The following FOXP1 variants were observed in gnomAD, a reference collection of about 807,000 sequenced individuals.
FOXP1 encodes the protein forkhead box P1.
FOXP1 carries 15 observed loss-of-function variants against 98.2 expected under a neutral mutation model. The ratio of observed to expected loss-of-function variants is 0.15; its 90% confidence interval spans 0.10 to 0.24. The LOEUF (loss-of-function observed/expected upper bound fraction) is 0.24. Ranked by LOEUF, FOXP1 falls within the 10% of genes least tolerant of loss-of-function variation. The pLI, the probability that FOXP1 is intolerant of heterozygous loss-of-function variation, is 1.00. For missense variants in FOXP1, 633 were observed against 848.5 expected, an observed-to-expected ratio of 0.75 and a Z score of 3.15; for synonymous variants, 371 against 314.5, an observed-to-expected ratio of 1.18 and a Z score of -1.90.
intron 9 of FOXP1, among the ~76,000 whole-genome samples, chr3:71,049,986 C>T (rs374554566): frequency 1.3e-5 from 2 of 152,182 alleles, no homozygotes; most frequent in Admixed American, 6.5e-5. Flanking sequence ...AACCTATCTC[C>T]TGGGTCACCT....
intron 3 of FOXP1, among the ~76,000 whole-genome samples, chr3:71,476,447 G>A (rs1000551535): frequency 1.3e-5 from 2 of 151,920 alleles, no homozygotes; most frequent in Non-Finnish European, 2.9e-5. Flanking sequence ...GGATGGAGAG[G>A]TGGTGTGCAG....
At chr3:71,361,369 A>G (rs1680632803) in intron 3 of FOXP1, among the ~76,000 whole-genome samples, 2 of 152,190 alleles carry the variant, frequency 1.3e-5, no homozygotes, top group South Asian at 4.1e-4. Flanking sequence ...ACTCTTAACA[A>G]AAAACTATGA....
chr3:71,399,522 G>A (rs1156597408), intron 3 of FOXP1, among the ~76,000 whole-genome samples: 2 of 152,120 alleles, frequency 1.3e-5, no homozygotes, highest in African/African-American at 2.4e-5. Flanking sequence ...TTTCACTAAA[G>A]TCGATAAAAA....
intron 12 of FOXP1, among the ~76,000 whole-genome samples, chr3:71,008,938 C>T (rs1304125136): frequency 6.6e-6 from 1 of 151,958 alleles, no homozygotes; most frequent in Non-Finnish European, 1.5e-5. Flanking sequence ...TCTCTGTTAA[C>T]AGTGGCACAG....
chr3:71,181,428 T>C (rs1007657023), intron 6 of FOXP1, among the ~76,000 whole-genome samples: 9 of 152,238 alleles, frequency 5.9e-5, no homozygotes, highest in African/African-American at 1.9e-4. Flanking sequence ...TTATCTCTAT[T>C]GCCCTGTTTT....
intron 11 of FOXP1, among the ~76,000 whole-genome samples, chr3:71,025,378 T>C (rs998553323): frequency 6.6e-6 from 1 of 152,196 alleles, no homozygotes; most frequent in African/African-American, 2.4e-5. Context: ...CCAGAGCTGC[T>C]GGGCCATGGA....
At chr3:71,064,141 A>G (rs1019341892) in intron 7 of FOXP1, among the ~76,000 whole-genome samples, 3 of 152,190 alleles carry the variant, frequency 2.0e-5, no homozygotes, top group African/African-American at 7.2e-5. Context: ...CCAACCTGCC[A>G]GAGTGTTCCA....
At chr3:71,015,113 C>T (rs769695625) in intron 12 of FOXP1, among the ~76,000 whole-genome samples, 26 of 150,830 alleles carry the variant, frequency 1.7e-4, no homozygotes, top group Non-Finnish European at 2.7e-4. Context: ...GTTGTGCACA[C>T]GTACCCTAGA....
intron 7 of FOXP1, among the ~76,000 whole-genome samples, chr3:71,082,048 G>A (rs1257103689): frequency 1.3e-5 from 2 of 152,112 alleles, no homozygotes; most frequent in Admixed American, 6.5e-5. Context: ...AGAAGCTGAG[G>A]TGGGCAGATC....
intron 5 of FOXP1, among the ~76,000 whole-genome samples, chr3:71,221,111 GAGC>G (rs2065347463): frequency 1.3e-5 from 2 of 152,276 alleles, no homozygotes; most frequent in South Asian, 4.1e-4. Flanking sequence ...AGCAGGAGGT[GAGC>G]AGCAGGTGAG....
At chr3:71,335,233 T>G (rs925309858) in intron 4 of FOXP1, 6 of 152,058 alleles carry the variant, frequency 3.9e-5, no homozygotes, top group African/African-American at 7.3e-5. Context: ...TACAGTGAGC[T>G]ATAATCGTGC....
intron 6 of FOXP1, among the ~76,000 whole-genome samples, chr3:71,174,817 C>CAT (rs2061839458): frequency 6.6e-6 from 1 of 151,496 alleles, no homozygotes; most frequent in Non-Finnish European, 1.5e-5. Flanking sequence ...CACACACACA[C>CAT]ACACACACAC....
At chr3:71,265,146 C>T (rs1233874797) in intron 5 of FOXP1, among the ~76,000 whole-genome samples, 1 of 152,118 alleles carries the variant, frequency 6.6e-6, no homozygotes, top group Non-Finnish European at 1.5e-5. Context: ...AAAGAGAAAA[C>T]AACACATTCT....
At chr3:71,024,405 A>G (rs1006722994) in intron 11 of FOXP1, among the ~76,000 whole-genome samples, 1 of 152,182 alleles carries the variant, frequency 6.6e-6, no homozygotes, top group Non-Finnish European at 1.5e-5. Context: ...CATGTTTATT[A>G]ATCAGTTTTC....
intron 7 of FOXP1, among the ~76,000 whole-genome samples, chr3:71,096,919 T>C (rs924431983): frequency 2.6e-5 from 4 of 152,106 alleles, no homozygotes; most frequent in South Asian, 4.2e-4. Context: ...AATGCACGGA[T>C]AGATTTCAAA....
chr3:71,128,915 T>C (rs540071850), intron 6 of FOXP1, among the ~76,000 whole-genome samples: 27 of 152,156 alleles, frequency 1.8e-4, no homozygotes, highest in Non-Finnish European at 2.5e-4. Flanking sequence ...AAGACACATA[T>C]AATTTCCTTT....
rs74708721 is a variant in FOXP1 at position 71,489,455 on chromosome 3, C to T, written c.-168+3971G>A. 8.1e-3 allele frequency among the ~76,000 whole-genome samples: 1,231 copies of T among 152,296 alleles called. 16 individuals carry two copies. The highest frequency in any genetic ancestry group is 0.028 in the African/African-American group (1,177 of 41,556). On this transcript the variant is annotated intron_variant, in intron 3 of 20. Coordinates refer to ENST00000649528, the MANE Select transcript of FOXP1 (RefSeq NM_001349338.3). Reference sequence around the variant, plus strand: ...AGACAGACGAACAAACCAACACATTCGCCATCTCTAGTCAGCCCTTCTCAA... The same window carrying T: ...AGACAGACGAACAAACCAACACATTTGCCATCTCTAGTCAGCCCTTCTCAA...
chr3:71,023,135 C>T (rs1237888631), intron 11 of FOXP1, among the ~76,000 whole-genome samples: 7 of 152,184 alleles, frequency 4.6e-5, no homozygotes, highest in Non-Finnish European at 1.0e-4. Context: ...TTCATCCGTC[C>T]AGCCAACATT....
intron 7 of FOXP1, among the ~76,000 whole-genome samples, chr3:71,098,331 G>T (rs559586854): frequency 2.0e-5 from 3 of 152,072 alleles, no homozygotes; most frequent in South Asian, 2.1e-4. Context: ...ACGAATTAAA[G>T]TTCTATGCCA....
Sources: gnomAD v4.1 joint callset for allele counts (sites outside exome capture counted in the v4.1 genomes callset) on GRCh38, gnomAD v4.1.1 for gene constraint, MANE v1.5 for transcripts, NCBI Gene and HGNC (gene_info 2026-07-23, HGNC 2026-07-21) for gene names.